SLC7A9: variants seen among roughly 807,000 people sequenced by gnomAD.
SLC7A9 encodes solute carrier family 7 member 9.
Under a neutral mutation model 54.1 loss-of-function variants are expected in SLC7A9, and 38 were observed. The ratio of observed to expected loss-of-function variants is 0.70; its 90% CI spans 0.54 to 0.92. SLC7A9 has a LOEUF of 0.92. Ranked by LOEUF, SLC7A9 falls within the 40% of genes least tolerant of loss-of-function variation. The pLI is 0.00. For missense variants in SLC7A9, 537 were observed against 636.1 expected (o/e 0.84, Z 1.68); for synonymous variants, 264 against 258.9 (o/e 1.02, Z -0.19).
At position 32,858,426 on chromosome 19, in the gene SLC7A9, T is replaced by C; in HGVS notation, c.977+14A>G. On this transcript the variant is annotated intron_variant, in intron 9 of 12. Transcript: ENST00000023064. ...CCCCTGTCCACCCTGGGAGTGACGG[T>C]GGGGGTCCCCTACCTGCCCGCTGTG... 6.3e-7 allele frequency: 1 copy of C among 1,590,294 alleles called. No homozygotes were observed. Among genetic ancestry groups the C allele is most frequent in the Non-Finnish European group, 8.6e-7 (1 of 1,160,172 alleles).
chr19:32,841,552 CCT>C (rs2145808239), intron 11 of SLC7A9, among the ~76,000 whole-genome samples: 1 of 152,010 alleles, frequency 6.6e-6, no homozygotes, highest in South Asian at 2.1e-4. Context: ...ACAGTGAGAC[CCT>C]GTCTCCAAAG....
At chr19:32,848,120 T>C (rs1302363782) in intron 9 of SLC7A9, among the ~76,000 whole-genome samples, 1 of 152,164 alleles carries the variant, frequency 6.6e-6, no homozygotes, top group Admixed American at 6.5e-5. Context: ...AGGAAGAAAC[T>C]GCATCAACTA....
chr19:32,862,668 ATT>A (rs1250960402), intron 4 of SLC7A9, 82 bp from the exon 5 acceptor site: 4,156 of 984,602 alleles, frequency 4.2e-3, no homozygotes, highest in South Asian at 5.9e-3. Flanking sequence ...TATATTTTTT[ATT>A]TTTTTTTTTT....
intron 9 of SLC7A9, among the ~76,000 whole-genome samples, chr19:32,847,474 G>A (rs1968333634): frequency 6.6e-6 from 1 of 152,128 alleles, no homozygotes; most frequent in South Asian, 2.1e-4. Context: ...AGCGAGAAGG[G>A]AAGTTTAGAG....
intron 2 of SLC7A9, among the ~76,000 whole-genome samples, chr19:32,867,929 C>CAAAAAAAAAA (rs57446079): frequency 1.5e-5 from 1 of 66,006 alleles, no homozygotes; most frequent in Non-Finnish European, 3.1e-5. Flanking sequence ...GACTCTGTCT[C>CAAAAAAAAAA]AAAAAAAAAA....
chr19:32,842,774 G>A (rs8111292), intron 10 of SLC7A9, among the ~76,000 whole-genome samples: 1,583 of 151,848 alleles, frequency 0.01, 20 homozygotes, highest in African/African-American at 0.035. Flanking sequence ...CACCACACCC[G>A]GCTAATTTTT....
At chr19:32,832,404 T>C (rs1361700237) in intron 12 of SLC7A9, among the ~76,000 whole-genome samples, 2 of 151,674 alleles carry the variant, frequency 1.3e-5, no homozygotes, top group African/African-American at 4.9e-5. Context: ...CTGGCCAACA[T>C]GGTAAAACCT....
At chr19:32,843,479 C>A (rs528490305) in intron 10 of SLC7A9, among the ~76,000 whole-genome samples, 1 of 151,438 alleles carries the variant, frequency 6.6e-6, no homozygotes, top group African/African-American at 2.4e-5. Context: ...AGTCAAAGGG[C>A]GTTTACTGCA....
rs1259963594 is a variant in SLC7A9, at chr19:32,842,285, A to G, written c.1107T>C (p.Gly369=). The G allele has an allele frequency of 6.2e-7, 1 of 1,613,976 alleles. No homozygotes were observed. Among genetic ancestry groups the G allele is most frequent in the African/African-American group, 1.3e-5 (1 of 74,944 alleles). The change falls in exon 11 of 13, where the codon GGT becomes GGC. Residue 369 remains glycine, a synonymous_variant. Coordinates refer to ENST00000023064, the MANE Select transcript of SLC7A9 (RefSeq NM_014270.5). ...AATAATTGACTAACGAGTTTATGTC[A>G]CCAGGGATGATATAAATCGTTGCTA... The part of the protein sequence containing the change: ...GIIATIYIIP[G]DINSLVNYFS...
intron 9 of SLC7A9, among the ~76,000 whole-genome samples, chr19:32,845,454 C>T (rs911075730): frequency 3.9e-5 from 6 of 152,000 alleles, no homozygotes; most frequent in Admixed American, 3.9e-4. Flanking sequence ...GAGATCTCAC[C>T]ATTGCACTCC....
At chr19:32,835,534 T>C (rs1436502061) in intron 11 of SLC7A9, among the ~76,000 whole-genome samples, 1 of 152,160 alleles carries the variant, frequency 6.6e-6, no homozygotes, top group East Asian at 1.9e-4. Flanking sequence ...CTAAAACTGA[T>C]CTTAGTTGCA....
intron 9 of SLC7A9, among the ~76,000 whole-genome samples, chr19:32,854,262 C>G (rs1231114893): frequency 1.3e-5 from 2 of 152,028 alleles, no homozygotes; most frequent in African/African-American, 2.4e-5. Flanking sequence ...CAGTCCTCCC[C>G]CTCGGCCTCC....
rs192447082 is a variant in SLC7A9 at position 32,867,723 on chromosome 19, T to C, written c.87+725A>G. 3.6e-3 allele frequency among the ~76,000 whole-genome samples: 539 copies of C among 151,500 alleles called. 4 individuals are homozygous for C. The highest frequency in any genetic ancestry group is 0.013 in the South Asian group (63 of 4,782). ...ACTTTGGGAGGCCGAGGTGGGCGGA[T>C]CACTTGAGGCCAGGAATTGGAGACC... On this transcript the variant is annotated intron_variant, in intron 2 of 12. Coordinates refer to ENST00000023064, the MANE Select transcript of SLC7A9 (RefSeq NM_014270.5).
chr19:32,862,262 A>G (rs763418608), intron 5 of SLC7A9, 45 bp from the exon 6 acceptor site: 1 of 1,513,656 alleles, frequency 6.6e-7, no homozygotes, highest in South Asian at 1.1e-5. Context: ...AACCGGGCAG[A>G]TCTTGAGTGT....
chr19:32,834,809 A>C (rs1967909607), intron 11 of SLC7A9, among the ~76,000 whole-genome samples: 1 of 151,880 alleles, frequency 6.6e-6, no homozygotes, highest in African/African-American at 2.4e-5. Flanking sequence ...TTTGTTTCCC[A>C]AGACAGAGTC....
At position 32,862,197 on chromosome 19, in the gene SLC7A9, T is replaced by C; in HGVS notation, c.625A>G (p.Asn209Asp). The change falls in exon 6 of 13, where the codon AAT (asparagine) becomes GAT (aspartate). Residue 209 changes from asparagine to aspartate, a missense_variant. By Grantham distance (23) the Asn-to-Asp change is conservative. Transcript: ENST00000023064. ...GACAGCTGGGCGCCCTCGAAAGAATTATCAAAATTCTTTGTGTTTCCTGTA... is the reference window on the plus strand; with the variant it reads ...GACAGCTGGGCGCCCTCGAAAGAATCATCAAAATTCTTTGTGTTTCCTGTA... ...LAQGNTKNFD[N>D]SFEGAQLSVG... 6.2e-7 allele frequency: 1 copy of C among 1,613,812 alleles called. No homozygotes were observed. Among genetic ancestry groups the C allele is most frequent in the Non-Finnish European group, 8.5e-7 (1 of 1,179,770 alleles).
chr19:32,844,633 C>A (rs1458588633), intron 9 of SLC7A9, among the ~76,000 whole-genome samples: 1 of 151,932 alleles, frequency 6.6e-6, no homozygotes, highest in African/African-American at 2.4e-5. Context: ...AGTTCGAGAC[C>A]AGTCTGGCCA....
intron 11 of SLC7A9, among the ~76,000 whole-genome samples, chr19:32,838,592 CGT>C (rs899070516): frequency 1.3e-3 from 193 of 147,126 alleles, no homozygotes; most frequent in African/African-American, 4.4e-3. Flanking sequence ...TATATAAAAA[CGT>C]ATATTATACA....
chr19:32,844,024 C>A, intron 9 of SLC7A9, 73 bp from the exon 10 acceptor site: 1 of 1,178,372 alleles, frequency 8.5e-7, no homozygotes, highest in South Asian at 1.2e-5. Flanking sequence ...AGGACTTGTG[C>A]TCCGGGGTCC....
Sources: allele counts gnomAD v4.1 joint callset (sites outside exome capture counted in the v4.1 genomes callset), GRCh38; gene constraint gnomAD v4.1.1; transcripts MANE v1.5; gene names NCBI Gene and HGNC (gene_info 2026-07-23, HGNC 2026-07-21).